ABL2: variants seen among roughly 807,000 people sequenced by gnomAD.
ABL2 encodes the protein ABL proto-oncogene 2, non-receptor tyrosine kinase.
Under a neutral mutation model 107.7 loss-of-function variants are expected in ABL2, and 49 were observed. That is an observed-to-expected ratio of 0.45 (90% CI 0.36 to 0.58). The LOEUF (loss-of-function observed/expected upper bound fraction) is 0.58. ABL2 is among the 20% of genes least tolerant of loss of function. The pLI is 0.00. For synonymous variants in ABL2, 549 were observed against 548.6 expected (o/e 1.00, Z -0.01); for missense variants, 1,245 against 1,457.0 (o/e 0.85, Z 2.37).
In ABL2 at chr1:179,126,728, T is replaced by G. The variant is rs1655754114; in HGVS notation, c.392-56A>C. 2 of 1,490,906 alleles carry G rather than the reference T, an allele frequency of 1.3e-6. No individual in the cohort carries two copies. The highest frequency in any genetic ancestry group is 1.8e-6 in the Non-Finnish European group (2 of 1,095,122). The allele number at this position is 1,490,906 out of a possible 1,614,324, so 92.4% of individuals were successfully genotyped here. On this transcript the variant is annotated intron_variant, in intron 3 of 11. Transcript: ENST00000502732. The surrounding 1 kb of genome is among the most constrained non-coding windows in gnomAD (Gnocchi z 4.4). ...AACGATGTTAAGACTTTATTTCAACTGAAGCAGTGTACTGTCAAACTTTAA... is the reference window on the plus strand; with the variant it reads ...AACGATGTTAAGACTTTATTTCAACGGAAGCAGTGTACTGTCAAACTTTAA...
chr1:179,154,372 A>C (rs775558532), intron 1 of ABL2, among the ~76,000 whole-genome samples: 1 of 152,162 alleles, frequency 6.6e-6, no homozygotes, highest in Non-Finnish European at 1.5e-5. Flanking sequence ...CATTCTTCTC[A>C]CAAGGATCAA....
intron 1 of ABL2, among the ~76,000 whole-genome samples, chr1:179,139,970 T>G (rs1486060327): frequency 1.3e-5 from 2 of 152,226 alleles, no homozygotes; most frequent in African/African-American, 4.8e-5. Context: ...CCAAAAAGGT[T>G]GGGACCACTG....
At position 179,118,833 on chromosome 1, in the gene ABL2, G is replaced by A. The variant is rs1455452190; in HGVS notation, c.1046-69C>T. 2.0e-6 allele frequency: 3 copies of A among 1,506,164 alleles called. 1 individual carries two copies. Among genetic ancestry groups the A allele is most frequent in the East Asian group, 4.6e-5 (2 of 43,662 alleles). The allele number at this position is 1,506,164 out of a possible 1,614,324, so 93.3% of individuals were successfully genotyped here. A position where few individuals can be genotyped will look rare whatever the true frequency, so the allele number is the denominator to read the frequency against. ...AAACACTCCAAACCACTTTGGCCAAGAATAATTTGACAATTTTTCAGGTCT... is the reference window on the plus strand; with the variant it reads ...AAACACTCCAAACCACTTTGGCCAAAAATAATTTGACAATTTTTCAGGTCT... On this transcript the variant is annotated intron_variant, in intron 6 of 11. Transcript: ENST00000502732.
At chr1:179,130,726 T>TTGTG (rs10643666) in intron 3 of ABL2, among the ~76,000 whole-genome samples, 14,074 of 142,686 alleles carry the variant, frequency 0.099, 731 homozygotes, top group Non-Finnish European at 0.11. Flanking sequence ...ATTATTGATT[T>TTGTG]TGTGTGTGTG....
In ABL2 at chr1:179,195,726, G is replaced by T. The variant is rs190378713; in HGVS notation, c.157+33515C>A. Among the ~76,000 whole-genome samples the T allele has an allele frequency of 2.6e-5, 4 of 152,170 alleles. No individual in the cohort carries two copies. The East Asian group carries it at 7.7e-4, about 29-fold the overall frequency. ...TAAATAAAAAAAAAGAAATTCTCCT[G>T]CACGTTACAACACAGATGTACCTTG... On this transcript the variant is annotated intron_variant, in intron 1 of 11. Coordinates refer to ENST00000502732, the MANE Select transcript of ABL2 (RefSeq NM_007314.4).
intron 1 of ABL2, among the ~76,000 whole-genome samples, chr1:179,177,024 A>G (rs1660089732): frequency 6.6e-6 from 1 of 152,090 alleles, no homozygotes; most frequent in African/African-American, 2.4e-5. Context: ...TTATCCTAAG[A>G]AAACTATAAA....
chr1:179,161,933 G>A lies in ABL2; in HGVS notation c.158-28559C>T, dbSNP rs145056378. 2.2e-3 allele frequency among the ~76,000 whole-genome samples: 329 copies of A among 152,170 alleles called. 2 individuals are homozygous for A. The highest frequency in any genetic ancestry group is 7.5e-3 in the African/African-American group (310 of 41,512). Reference sequence around the variant, plus strand: ...TGAGGCTGAGAGTTCAACCCCTCGTGCTCTCTTTCTCACTCTCTTTGCCCT... The same window carrying A: ...TGAGGCTGAGAGTTCAACCCCTCGTACTCTCTTTCTCACTCTCTTTGCCCT... On this transcript the variant is annotated intron_variant, in intron 1 of 11. Coordinates refer to ENST00000502732, the MANE Select transcript of ABL2 (RefSeq NM_007314.4).
rs774125327 is a variant in ABL2, at chr1:179,229,409, C to G, written c.-12G>C. 6.7e-7 allele frequency: 1 copy of G among 1,500,388 alleles called. No homozygotes were observed. The highest frequency in any genetic ancestry group is 1.3e-5 in the South Asian group (1 of 75,220). The allele number at this position is 1,500,388 out of a possible 1,614,324, so 92.9% of individuals were successfully genotyped here. On this transcript the variant is annotated 5_prime_UTR_variant, in exon 1 of 12. Transcript: ENST00000502732. ...ACCTGCTGCCCCATCCCTGCTCTCG[C>G]GTACTCCCGCGCCCCCGCCGACCCC...
chr1:179,217,196 A>G (rs1022353462), intron 1 of ABL2, among the ~76,000 whole-genome samples: 4 of 151,898 alleles, frequency 2.6e-5, no homozygotes, highest in African/African-American at 4.8e-5. Context: ...CAGGAGGCTG[A>G]AGCAGGAAAA....
chr1:179,170,736 A>G (rs917836565), intron 1 of ABL2, among the ~76,000 whole-genome samples: 1 of 152,224 alleles, frequency 6.6e-6, no homozygotes, highest in African/African-American at 2.4e-5. Context: ...CTGGGATTAC[A>G]GGCACCTGCC....
At chr1:179,228,541 T>C (rs1663362603) in intron 1 of ABL2, among the ~76,000 whole-genome samples, 1 of 152,126 alleles carries the variant, frequency 6.6e-6, no homozygotes, top group East Asian at 1.9e-4. Flanking sequence ...ACTGACGTCC[T>C]AACCATGCCC....
At chr1:179,140,732 A>T (rs1435896925) in intron 1 of ABL2, among the ~76,000 whole-genome samples, 1 of 152,220 alleles carries the variant, frequency 6.6e-6, no homozygotes, top group East Asian at 1.9e-4. Flanking sequence ...TTAGATAAAC[A>T]TTTAAACTGG....
At chr1:179,187,126 G>A (rs181317966) in intron 1 of ABL2, among the ~76,000 whole-genome samples, 51 of 152,126 alleles carry the variant, frequency 3.4e-4, no homozygotes, top group African/African-American at 1.2e-3. Context: ...TCTTATATGT[G>A]ATTTCATTTT....
At chr1:179,143,285 G>A (rs1022547004) in intron 1 of ABL2, among the ~76,000 whole-genome samples, 2 of 152,126 alleles carry the variant, frequency 1.3e-5, no homozygotes, top group African/African-American at 4.8e-5. Context: ...AAATCTCTGA[G>A]AACACTTTTA....
intron 1 of ABL2, among the ~76,000 whole-genome samples, chr1:179,226,801 G>A (rs901430088): frequency 2.6e-5 from 4 of 152,124 alleles, no homozygotes; most frequent in Admixed American, 1.3e-4. Context: ...AAGCAGCCAA[G>A]CAAGGTTTCA....
At chr1:179,173,024 T>C (rs910788112) in intron 1 of ABL2, among the ~76,000 whole-genome samples, 5 of 152,042 alleles carry the variant, frequency 3.3e-5, no homozygotes, top group Non-Finnish European at 7.4e-5. Context: ...ACACTGTCTT[T>C]ACTAAAAATA....
chr1:179,153,971 A>G (rs557177573), intron 1 of ABL2, among the ~76,000 whole-genome samples: 1 of 152,272 alleles, frequency 6.6e-6, no homozygotes, highest in African/African-American at 2.4e-5. Flanking sequence ...TGGCATATCC[A>G]GGCATCCAAC....
rs1473304958 is a variant in ABL2, at chr1:179,196,426, A to G, written c.157+32815T>C. On this transcript the variant is annotated intron_variant, in intron 1 of 11. Transcript: ENST00000502732. ...ATGATTAAATTATTTGTCTGTACTT[A>G]AGTAGAATACCTATGAGAAAAATCC... The G allele has an allele frequency of 2.0e-5, 3 of 152,328 alleles. No homozygotes were observed. In the East Asian group the frequency reaches 5.8e-4, roughly 29 times the overall value. The allele number at this position is 152,328 out of a possible 1,614,324, so 9.4% of individuals were successfully genotyped here.
At chr1:179,114,786 A>G in intron 9 of ABL2, 92 bp downstream of exon 9, 1 of 1,326,390 alleles carries the variant, frequency 7.5e-7, no homozygotes, top group East Asian at 2.5e-5. Flanking sequence ...ATTCAATCTA[A>G]CAACACTGAG....
Sources: allele counts gnomAD v4.1 joint callset (sites outside exome capture counted in the v4.1 genomes callset), GRCh38; gene constraint gnomAD v4.1.1; non-coding constraint Gnocchi (gnomAD v3.1); transcripts MANE v1.5; gene names NCBI Gene and HGNC (gene_info 2026-07-23, HGNC 2026-07-21).